The following CNTNAP2 variants were observed in gnomAD, a reference collection of about 807,000 sequenced individuals.
The protein encoded by CNTNAP2 is contactin associated protein 2.
A neutral mutation model predicts 155.2 loss-of-function variants in CNTNAP2; 98 were observed. The ratio of observed to expected loss-of-function variants is 0.63; its 90% CI spans 0.54 to 0.75. The LOEUF is 0.75. CNTNAP2 is among the 30% of genes least tolerant of loss of function. The pLI is 0.00. For synonymous variants in CNTNAP2, 651 were observed against 631.2 expected, an observed-to-expected ratio of 1.03 and a Z score of -0.47; for missense variants, 1,727 against 1,688.1, an observed-to-expected ratio of 1.02 and a Z score of -0.40.
rs191472222 is a variant in CNTNAP2, at chr7:147,289,414, A to C, written c.1349-10727A>C. On this transcript the variant is annotated intron_variant, in intron 8 of 23. Coordinates refer to ENST00000361727, the MANE Select transcript of CNTNAP2 (RefSeq NM_014141.6). ...CAGAGAATCAAATACTAAAAAAAAAACAGGAGAGACAATTGGGGAGAGTGA... is the reference window on the plus strand; with the variant it reads ...CAGAGAATCAAATACTAAAAAAAAACCAGGAGAGACAATTGGGGAGAGTGA... Among the ~76,000 whole-genome samples, 282 of 152,206 alleles carry C rather than the reference A, an allele frequency of 1.9e-3. 2 individuals are homozygous for C. The highest frequency in any genetic ancestry group is 6.4e-3 in the African/African-American group (265 of 41,546).
intron 11 of CNTNAP2, among the ~76,000 whole-genome samples, chr7:147,538,115 T>C (rs1405263996): frequency 6.6e-6 from 1 of 152,194 alleles, no homozygotes; most frequent in Non-Finnish European, 1.5e-5. Context: ...CTCCTCACAG[T>C]GATGCAAGTC....
At chr7:147,117,589 C>T (rs1801015341) in intron 5 of CNTNAP2, among the ~76,000 whole-genome samples, 3 of 152,168 alleles carry the variant, frequency 2.0e-5, no homozygotes, top group Middle Eastern at 3.2e-3. Context: ...TCTCATCAGC[C>T]ATCTTGGCCC....
chr7:147,290,745 G>C (rs1805287653), intron 8 of CNTNAP2, among the ~76,000 whole-genome samples: 1 of 150,702 alleles, frequency 6.6e-6, no homozygotes, highest in African/African-American at 2.4e-5. Context: ...TGGATATACA[G>C]TGAAAAGAAT....
intron 1 of CNTNAP2, among the ~76,000 whole-genome samples, chr7:146,381,272 T>A (rs1795385270): frequency 6.6e-6 from 1 of 152,188 alleles, no homozygotes; most frequent in Admixed American, 6.5e-5. Flanking sequence ...TCAAATCTAT[T>A]AGGCTTTTGT....
At chr7:146,248,084 G>C (rs1218782042) in intron 1 of CNTNAP2, among the ~76,000 whole-genome samples, 1 of 148,114 alleles carries the variant, frequency 6.8e-6, no homozygotes, top group African/African-American at 2.6e-5. Context: ...AGAGGCTGGG[G>C]CATGGAAATA....
At chr7:146,546,796 A>G (rs986883201) in intron 1 of CNTNAP2, among the ~76,000 whole-genome samples, 1 of 151,878 alleles carries the variant, frequency 6.6e-6, no homozygotes, top group Non-Finnish European at 1.5e-5. Context: ...TTATAAAACC[A>G]TCAGACCTCG....
chr7:146,957,459 G>A (rs983968692), intron 3 of CNTNAP2, among the ~76,000 whole-genome samples: 1 of 152,136 alleles, frequency 6.6e-6, no homozygotes, highest in Non-Finnish European at 1.5e-5. Context: ...ATTTCACTCT[G>A]TGAGAATGTA....
chr7:147,605,589 T>C (rs575505706), intron 12 of CNTNAP2, among the ~76,000 whole-genome samples: 3 of 152,248 alleles, frequency 2.0e-5, no homozygotes, highest in Non-Finnish European at 2.9e-5. Flanking sequence ...GGGCATGGTG[T>C]CCGCCCTTCT....
intron 1 of CNTNAP2, among the ~76,000 whole-genome samples, chr7:146,320,421 A>C (rs1001047787): frequency 6.6e-6 from 1 of 152,156 alleles, no homozygotes; most frequent in South Asian, 2.1e-4. Flanking sequence ...ACGTAAATTC[A>C]TTATTATACT....
At chr7:146,757,946 T>G (rs1330111058) in intron 1 of CNTNAP2, among the ~76,000 whole-genome samples, 2 of 152,338 alleles carry the variant, frequency 1.3e-5, no homozygotes, top group Middle Eastern at 3.4e-3. Context: ...TTTCTCATGA[T>G]GCATTTTGTT....
intron 18 of CNTNAP2, among the ~76,000 whole-genome samples, chr7:148,174,424 C>T (rs988225924): frequency 1.4e-4 from 22 of 152,046 alleles, no homozygotes; most frequent in Non-Finnish European, 2.6e-4. Context: ...GTGACCGCCC[C>T]CCACCTCAGG....
In CNTNAP2 at chr7:146,323,050, G is replaced by A. The variant is rs540425554; in HGVS notation, c.97+206077G>A. Among the ~76,000 whole-genome samples the A allele has an allele frequency of 2.0e-4, 31 of 152,096 alleles. No individual in the cohort carries two copies. In the South Asian group the frequency reaches 5.6e-3, roughly 28 times the overall value. On this transcript the variant is annotated intron_variant, in intron 1 of 23. Coordinates refer to ENST00000361727, the MANE Select transcript of CNTNAP2 (RefSeq NM_014141.6). ...TAATTAAATGTCTTATTTCTAATGT[G>A]TATGGGGAGATTTTCTGGAAAATTA... is the stretch of plus-strand genomic sequence containing the variant.
chr7:146,680,024 A>G (rs73739688), intron 1 of CNTNAP2, among the ~76,000 whole-genome samples: 2 of 152,208 alleles, frequency 1.3e-5, no homozygotes, highest in African/African-American at 2.4e-5. Context: ...CATATGTAGA[A>G]CATGTTATGT....
intron 1 of CNTNAP2, among the ~76,000 whole-genome samples, chr7:146,641,258 G>T (rs992748267): frequency 6.6e-6 from 1 of 152,116 alleles, no homozygotes; most frequent in Non-Finnish European, 1.5e-5. Flanking sequence ...ACCCAGAGGC[G>T]GAGCTTGCAG....
chr7:147,432,045 C>A (rs1797474852), intron 10 of CNTNAP2, among the ~76,000 whole-genome samples: 1 of 152,178 alleles, frequency 6.6e-6, no homozygotes, highest in Non-Finnish European at 1.5e-5. Flanking sequence ...CTGACCTGCG[C>A]CCCTTGTTTT....
intron 9 of CNTNAP2, among the ~76,000 whole-genome samples, chr7:147,341,425 A>T (rs1795760822): frequency 9.9e-6 from 1 of 100,628 alleles, no homozygotes; most frequent in South Asian, 3.4e-4. Context: ...TATCCCAGAA[A>T]TTAAAGTATA....
intron 8 of CNTNAP2, among the ~76,000 whole-genome samples, chr7:147,247,758 T>G (rs527589261): frequency 2.6e-5 from 4 of 152,300 alleles, no homozygotes; most frequent in African/African-American, 9.6e-5. Flanking sequence ...ATAGTTAAAA[T>G]GCCATAGGGA....
intron 20 of CNTNAP2, 150 bp downstream of exon 20, chr7:148,229,929 G>C (rs1230537961): frequency 1.2e-6 from 1 of 827,810 alleles, no homozygotes; most frequent in African/African-American, 1.7e-5. Flanking sequence ...TAGTGAAGTA[G>C]AAATATATAT....
intron 1 of CNTNAP2, among the ~76,000 whole-genome samples, chr7:146,553,853 G>C (rs1017860434): frequency 1.3e-5 from 2 of 151,952 alleles, no homozygotes; most frequent in African/African-American, 2.4e-5. Context: ...TGCTGTCTGC[G>C]TACTCATGAC....
Sources: gnomAD v4.1 joint callset for allele counts (sites outside exome capture counted in the v4.1 genomes callset) on GRCh38, gnomAD v4.1.1 for gene constraint, MANE v1.5 for transcripts, NCBI Gene and HGNC (gene_info 2026-07-23, HGNC 2026-07-21) for gene names.